Variants in TAS2R1 observed in about 807,000 individuals in gnomAD.
TAS2R1 encodes the protein taste 2 receptor member 1, also known as taste receptor type 2 member 1.
For synonymous variants in TAS2R1, 141 were observed against 134.2 expected, an observed-to-expected ratio of 1.05 and a Z score of -0.35; for missense variants, 370 against 353.4, an observed-to-expected ratio of 1.05 and a Z score of -0.38.
At chr5:9,726,179 T>G in the TAS2R1 span, among the ~76,000 whole-genome samples, 1 of 149,452 alleles carries the variant, frequency 6.7e-6, no homozygotes, top group African/African-American at 2.5e-5. Context: ...CAATCAGCAC[T>G]CTGTGTCTAC....
At chr5:9,782,697 C>T in the TAS2R1 span, among the ~76,000 whole-genome samples, 22 of 152,324 alleles carry the variant, frequency 1.4e-4, no homozygotes, top group African/African-American at 5.3e-4. Context: ...TTTCAACCTA[C>T]CTCATCTGTA....
chr5:9,893,806 G>A, the TAS2R1 span, among the ~76,000 whole-genome samples: 24 of 152,120 alleles, frequency 1.6e-4, no homozygotes, highest in Admixed American at 1.6e-3. Context: ...CTCTGTGGGA[G>A]GAAAAAGGAG....
chr5:9,733,671 C>T, the TAS2R1 span, among the ~76,000 whole-genome samples: 2 of 152,064 alleles, frequency 1.3e-5, no homozygotes, highest in Non-Finnish European at 2.9e-5. Flanking sequence ...TGTGGAAAAC[C>T]GACCTCCTAA....
the TAS2R1 span, among the ~76,000 whole-genome samples, chr5:9,884,998 T>C: frequency 6.6e-6 from 1 of 152,102 alleles, no homozygotes; most frequent in Non-Finnish European, 1.5e-5. Context: ...ATTTACTGAG[T>C]GTCTACTATG....
chr5:9,867,916 C>A, the TAS2R1 span, among the ~76,000 whole-genome samples: 2 of 152,206 alleles, frequency 1.3e-5, no homozygotes, highest in Non-Finnish European at 2.9e-5. Context: ...AGGCCCCATG[C>A]AAGTGTGAAA....
At chr5:9,703,753 G>A (rs1052549170) in intron 1 of TAS2R1, among the ~76,000 whole-genome samples, 2 of 152,164 alleles carry the variant, frequency 1.3e-5, no homozygotes, top group African/African-American at 4.8e-5. Flanking sequence ...TGCTTACATT[G>A]CATCTGTGCC....
At chr5:9,861,954 T>A in the TAS2R1 span, among the ~76,000 whole-genome samples, 1 of 152,352 alleles carries the variant, frequency 6.6e-6, no homozygotes, top group South Asian at 2.1e-4. Context: ...AGTTCAATGA[T>A]GATGCGATGG....
chr5:9,687,761 G>T (rs1250867028), intron 1 of TAS2R1, among the ~76,000 whole-genome samples: 1 of 152,134 alleles, frequency 6.6e-6, no homozygotes, highest in Non-Finnish European at 1.5e-5. Context: ...TGTATGTTCT[G>T]TGAGCCTGTG....
chr5:9,824,944 C>G, the TAS2R1 span, among the ~76,000 whole-genome samples: 3 of 151,900 alleles, frequency 2.0e-5, no homozygotes, highest in Admixed American at 1.3e-4. Context: ...ATGGACATCT[C>G]CTAAGTAGAG....
At chr5:9,744,893 A>G in the TAS2R1 span, among the ~76,000 whole-genome samples, 1 of 152,230 alleles carries the variant, frequency 6.6e-6, no homozygotes. Context: ...CTGCAGCTGC[A>G]TTAGACAAAG....
chr5:9,801,772 T>C, the TAS2R1 span, among the ~76,000 whole-genome samples: 1 of 152,050 alleles, frequency 6.6e-6, no homozygotes, highest in South Asian at 2.1e-4. Flanking sequence ...TCCCACACTT[T>C]CCTGGCAACG....
At chr5:9,773,119 G>C in the TAS2R1 span, among the ~76,000 whole-genome samples, 10 of 151,548 alleles carry the variant, frequency 6.6e-5, no homozygotes, top group Non-Finnish European at 1.3e-4. Context: ...TAGTGAAGGT[G>C]ACTTTGTCTG....
intron 2 of TAS2R1, among the ~76,000 whole-genome samples, chr5:9,657,528 C>G (rs1176297388): frequency 6.6e-6 from 1 of 152,178 alleles, no homozygotes; most frequent in East Asian, 1.9e-4. Flanking sequence ...ATCTGAAAAA[C>G]TGACAGGTGT....
chr5:9,713,657 A>G (rs2126534928), upstream of TAS2R1: 1 of 152,254 alleles, frequency 6.6e-6, no homozygotes, highest in Middle Eastern at 3.4e-3. Flanking sequence ...TTTCTTTTGT[A>G]GTTTAATAAC....
chr5:9,821,252 A>C, the TAS2R1 span, among the ~76,000 whole-genome samples: 2 of 152,218 alleles, frequency 1.3e-5, no homozygotes, highest in African/African-American at 4.8e-5. Flanking sequence ...TGTAGGTTCA[A>C]GAATGGATTC....
the TAS2R1 span, among the ~76,000 whole-genome samples, chr5:9,882,575 G>A: frequency 6.6e-5 from 10 of 152,278 alleles, no homozygotes; most frequent in South Asian, 2.1e-4. Flanking sequence ...GCAGTGAGCC[G>A]AGATCATGCC....
the TAS2R1 span, among the ~76,000 whole-genome samples, chr5:9,884,473 TAAAAAAAAAAAA>T: frequency 5.5e-5 from 6 of 108,294 alleles, no homozygotes; most frequent in East Asian, 2.7e-4. Flanking sequence ...GACTCTGACT[TAAAAAAAAAAAA>T]AAAAAAAAAG....
chr5:9,720,690 A>G, the TAS2R1 span, among the ~76,000 whole-genome samples: 2 of 152,232 alleles, frequency 1.3e-5, no homozygotes, highest in Non-Finnish European at 2.9e-5. Flanking sequence ...GCAGGAAAGG[A>G]TGAGCTACGG....
At chr5:9,685,390 A>G (rs1741105603) in intron 1 of TAS2R1, among the ~76,000 whole-genome samples, 1 of 152,148 alleles carries the variant, frequency 6.6e-6, no homozygotes. Flanking sequence ...TTGGAGAGCT[A>G]TAGATGTAAT....
Sources: gnomAD v4.1 joint callset for allele counts (sites outside exome capture counted in the v4.1 genomes callset) on GRCh38, gnomAD v4.1.1 for gene constraint, MANE v1.5 for transcripts, NCBI Gene and HGNC (gene_info 2026-07-23, HGNC 2026-07-21) for gene names.